Variants in NRF1 observed in about 807,000 individuals in gnomAD.
The protein encoded by NRF1 is alpha palindromic-binding protein.
In NRF1, 5 loss-of-function variants were observed where a neutral mutation model predicts 58.5. The ratio of observed to expected loss-of-function variants is 0.09; its 90% CI spans 0.04 to 0.18. The LOEUF (loss-of-function observed/expected upper bound fraction) is 0.18, where lower values mean the gene tolerates loss of function less well. Ranked by LOEUF, NRF1 falls within the 10% of genes least tolerant of loss-of-function variation. The pLI is 1.00. For missense variants in NRF1, 288 were observed against 657.7 expected (o/e 0.44, Z 6.15); for synonymous variants, 224 against 246.7 (o/e 0.91, Z 0.86).
chr7:129,732,559 G>T (rs1481375614), intron 10 of NRF1, among the ~76,000 whole-genome samples: 2 of 151,818 alleles, frequency 1.3e-5, no homozygotes, highest in Non-Finnish European at 1.5e-5. Flanking sequence ...GCATTTGCTG[G>T]TTTGGAGTGG....
chr7:129,625,954 T>C (rs942027212), intron 1 of NRF1, among the ~76,000 whole-genome samples: 14 of 152,102 alleles, frequency 9.2e-5, no homozygotes, highest in Admixed American at 2.6e-4. Context: ...AGTGCTGGGA[T>C]TACAAGCATG....
At chr7:129,642,428 G>C (rs1156655588) in intron 1 of NRF1, among the ~76,000 whole-genome samples, 1 of 152,036 alleles carries the variant, frequency 6.6e-6, no homozygotes, top group Admixed American at 6.6e-5. Context: ...CTAAACTACT[G>C]TATGTTCTTA....
chr7:129,652,917 A>G (rs1801569950), intron 1 of NRF1, among the ~76,000 whole-genome samples: 1 of 152,226 alleles, frequency 6.6e-6, no homozygotes, highest in Non-Finnish European at 1.5e-5. Context: ...TTGCACAGAA[A>G]TTACACTGGT....
At chr7:129,665,898 G>A (rs1801909812) in intron 2 of NRF1, among the ~76,000 whole-genome samples, 1 of 152,210 alleles carries the variant, frequency 6.6e-6, no homozygotes, top group Non-Finnish European at 1.5e-5. Flanking sequence ...ACAGGCGTGA[G>A]CCACTGGGCC....
At chr7:129,733,057 C>T (rs948197666) in intron 10 of NRF1, among the ~76,000 whole-genome samples, 2 of 1,454 alleles carry the variant, frequency 1.4e-3, no homozygotes, top group Non-Finnish European at 0.02. Context: ...GGCAACAAAG[C>T]GAGACTGTCT....
At position 129,713,063 on chromosome 7, in the gene NRF1, A is replaced by C. The variant is rs560904914; in HGVS notation, c.1065+1487A>C. Among the ~76,000 whole-genome samples, 5 of 150,898 alleles carry C rather than the reference A, an allele frequency of 3.3e-5. No homozygotes were observed. The East Asian group carries it at 9.7e-4, about 29-fold the overall frequency. On this transcript the variant is annotated intron_variant, in intron 8 of 10. Transcript: ENST00000393232. Reference sequence around the variant, plus strand: ...TAAAATAATTTGTTTTTGACACATAATATTTATAACATTAATGGAGTTGCG... The same window carrying C: ...TAAAATAATTTGTTTTTGACACATACTATTTATAACATTAATGGAGTTGCG...
intron 9 of NRF1, among the ~76,000 whole-genome samples, chr7:129,723,422 A>G (rs1803378051): frequency 6.6e-6 from 1 of 151,920 alleles, no homozygotes; most frequent in Admixed American, 6.6e-5. Context: ...TAGCCTGGGC[A>G]ACAAGAGCGA....
intron 1 of NRF1, among the ~76,000 whole-genome samples, chr7:129,628,564 A>G (rs560538428): frequency 8.5e-5 from 13 of 152,182 alleles, no homozygotes; most frequent in Non-Finnish European, 1.8e-4. Flanking sequence ...AGTTTTTGCA[A>G]ATCTCTTTAA....
At chr7:129,655,801 C>A (rs1466263183) in intron 1 of NRF1, among the ~76,000 whole-genome samples, 1 of 152,178 alleles carries the variant, frequency 6.6e-6, no homozygotes, top group Non-Finnish European at 1.5e-5. Context: ...GGATTACAGG[C>A]GTGAGCCACC....
At chr7:129,664,921 C>T (rs1338673059) in intron 2 of NRF1, among the ~76,000 whole-genome samples, 3 of 152,122 alleles carry the variant, frequency 2.0e-5, no homozygotes, top group East Asian at 3.8e-4. Context: ...GAGTTTGTTT[C>T]TGAAGGAGCT....
Position 129,755,103 on chromosome 7 carries a change from C to T in NRF1, c.1434C>T (p.Ala478=). The T allele has an allele frequency of 6.2e-7, 1 of 1,613,930 alleles. No individual in the cohort carries two copies. Among genetic ancestry groups the T allele is most frequent in the South Asian group, 1.1e-5 (1 of 91,050 alleles). Residue 478 remains alanine, a synonymous_variant, in exon 11 of 11, where the codon GCC becomes GCT. Coordinates refer to ENST00000393232, the MANE Select transcript of NRF1 (RefSeq NM_005011.5). This position sits in a 1 kb window ranked among gnomAD's most constrained non-coding sequence, Gnocchi z 5.8. ...ACGGACCAGTGCAGGTGGCCATGGC[C>T]CCTGTGACCACCAGGATATCAGACA... The part of the protein sequence containing the change: ...QGNGPVQVAM[A]PVTTRISDSA...
intron 5 of NRF1, among the ~76,000 whole-genome samples, chr7:129,703,345 G>A (rs1802878331): frequency 6.6e-6 from 1 of 152,128 alleles, no homozygotes; most frequent in African/African-American, 2.4e-5. Flanking sequence ...CCTGTTGATT[G>A]TCTCCCTGTG....
chr7:129,619,494 A>G (rs919195515), intron 1 of NRF1, among the ~76,000 whole-genome samples: 55 of 19,564 alleles, frequency 2.8e-3, no homozygotes, highest in Admixed American at 3.5e-3. Flanking sequence ...GTGTGTGTAT[A>G]TATATATATA....
At chr7:129,656,668 G>A (rs1377355693) in intron 1 of NRF1, among the ~76,000 whole-genome samples, 41 of 152,008 alleles carry the variant, frequency 2.7e-4, no homozygotes, top group Admixed American at 2.3e-3. Context: ...TCTGCCTCCC[G>A]AGTTCAAGCA....
chr7:129,642,751 T>A (rs961693084), intron 1 of NRF1, among the ~76,000 whole-genome samples: 1 of 143,610 alleles, frequency 7.0e-6, no homozygotes, highest in Non-Finnish European at 1.5e-5. Flanking sequence ...ATACATTCTT[T>A]AAAAAATTTT....
At chr7:129,648,634 T>C (rs1450049226) in intron 1 of NRF1, among the ~76,000 whole-genome samples, 1 of 152,164 alleles carries the variant, frequency 6.6e-6, no homozygotes, top group Non-Finnish European at 1.5e-5. Flanking sequence ...TTCCTTTCCC[T>C]TGTACTTTTG....
rs1366442124 is a variant in NRF1, at chr7:129,755,873, C to G, written c.*692C>G. On this transcript the variant is annotated 3_prime_UTR_variant, in exon 11 of 11. Transcript: ENST00000393232. The surrounding 1 kb of genome is among the most constrained non-coding windows in gnomAD (Gnocchi z 5.8). ...ACTGCGTGGTCTGCCAGCTGAGATG[C>G]TCCTCGGGCTGGCCCAGGTGCTGAC... The G allele has an allele frequency of 6.5e-6, 1 of 152,702 alleles. No individual in the cohort carries two copies. The allele number at this position is 152,702 out of a possible 1,614,324, so 9.5% of individuals were successfully genotyped here. A position where few individuals can be genotyped will look rare whatever the true frequency, so the allele number is the denominator to read the frequency against.
intron 10 of NRF1, among the ~76,000 whole-genome samples, chr7:129,752,903 T>C (rs1454774998): frequency 6.6e-6 from 1 of 152,164 alleles, no homozygotes; most frequent in African/African-American, 2.4e-5. Context: ...TCTCTCCTCC[T>C]CCTTTCAGGC....
intron 1 of NRF1, among the ~76,000 whole-genome samples, chr7:129,624,670 T>C (rs932378187): frequency 6.6e-6 from 1 of 152,100 alleles, no homozygotes; most frequent in Non-Finnish European, 1.5e-5. Context: ...AATTTCTCCC[T>C]GAGCCTTTTT....
Sources: allele counts gnomAD v4.1 joint callset (sites outside exome capture counted in the v4.1 genomes callset), GRCh38; gene constraint gnomAD v4.1.1; non-coding constraint Gnocchi (gnomAD v3.1); transcripts MANE v1.5; gene names NCBI Gene and HGNC (gene_info 2026-07-23, HGNC 2026-07-21).